Variants in NFU1 observed in about 807,000 individuals in gnomAD.
The protein encoded by NFU1 is NFU1 iron-sulfur cluster scaffold.
Under a neutral mutation model 32.2 loss-of-function variants are expected in NFU1, and 30 were observed. That is an observed-to-expected ratio of 0.93 (90% CI 0.70 to 1.26). NFU1 has a LOEUF of 1.26. Ranked by LOEUF, NFU1 falls within the 50% of genes most tolerant of loss-of-function variation. NFU1 has a pLI of 0.00. For missense variants in NFU1, 306 were observed against 306.6 expected (o/e 1.00, Z 0.02); for synonymous variants, 112 against 104.6 (o/e 1.07, Z -0.43).
intron 5 of NFU1, among the ~76,000 whole-genome samples, chr2:69,408,734 T>TA (rs1672781178): frequency 2.2e-5 from 3 of 136,426 alleles, no homozygotes; most frequent in East Asian, 2.1e-4. Flanking sequence ...ATATAAAATT[T>TA]TATATATATA....
At chr2:69,434,314 T>G (rs1372124182) in intron 1 of NFU1, among the ~76,000 whole-genome samples, 3 of 151,942 alleles carry the variant, frequency 2.0e-5, no homozygotes, top group African/African-American at 7.3e-5. Context: ...CGGCTAATTT[T>G]TGTATTTTTA....
intron 2 of NFU1, among the ~76,000 whole-genome samples, chr2:69,428,098 T>C (rs1386541049): frequency 2.6e-5 from 4 of 152,132 alleles, no homozygotes; most frequent in Non-Finnish European, 5.9e-5. Flanking sequence ...TATATTTAAA[T>C]AGACTGACAA....
chr2:69,421,824 A>C (rs527560719), intron 3 of NFU1, among the ~76,000 whole-genome samples: 4 of 151,822 alleles, frequency 2.6e-5, no homozygotes, highest in Non-Finnish European at 5.9e-5. Flanking sequence ...GGCCTCCCAA[A>C]GTGCTGGGAT....
At position 69,423,711 on chromosome 2, in the gene NFU1, T is replaced by C. The variant is rs2104793456; in HGVS notation, c.173A>G (p.Tyr58Cys). Residue 58 changes from tyrosine to cysteine, a missense_variant, in exon 3 of 8, where the codon TAC becomes TGC. Transcript: ENST00000410022. ...GGTATCTTGTGTTTGAATAAACATG[T>C]ATCTCACTAAAAAAGAAAAAGAAGA... Reference protein sequence around the residue: ...LPAAFYHPVRYMFIQTQDTPN... With the variant: ...LPAAFYHPVRCMFIQTQDTPN... 1.3e-6 allele frequency: 2 copies of C among 1,597,330 alleles called. No individual in the cohort carries two copies. Among genetic ancestry groups the C allele is most frequent in the East Asian group, 4.5e-5 (2 of 44,786 alleles).
chr2:69,425,518 C>T (rs904585766), intron 2 of NFU1, among the ~76,000 whole-genome samples: 3 of 151,712 alleles, frequency 2.0e-5, no homozygotes, highest in Non-Finnish European at 4.4e-5. Context: ...CCATGCCCGG[C>T]TAATTTTTGT....
Position 69,437,197 on chromosome 2 carries a change from C to T in NFU1, c.62+164G>A, listed in dbSNP as rs190706701. 6.3e-4 allele frequency: 901 copies of T among 1,420,366 alleles called. 5 individuals carry two copies. The African/African-American group carries it at 0.011, about 18-fold the overall frequency. 88.0% of individuals were successfully genotyped at this position (1,420,366 alleles called of 1,614,324 possible). A position where few individuals can be genotyped will look rare whatever the true frequency, so the allele number is the denominator to read the frequency against. ...GCCACAGAAGCGCCGAGCTCCCGCA[C>T]AGACAGCCTCAGGGCTCACCCCCAA... On this transcript the variant is annotated intron_variant, in intron 1 of 7. Transcript: ENST00000410022.
chr2:69,419,402 A>C (rs1305252395), intron 4 of NFU1, 136 bp downstream of exon 4: 2 of 618,204 alleles, frequency 3.2e-6, no homozygotes, highest in Admixed American at 6.3e-5. Context: ...AGAGGACAAG[A>C]GAGTAAGACC....
rs537426869 is a variant in NFU1, at chr2:69,431,446, CA to C, written c.166+455del. ...TCAGCCTCCCAAGCAGCTGGGACTA[CA>C]CGTGTGCGCCACCATGCCCAGCTAA... is the stretch of plus-strand genomic sequence containing the variant. On this transcript the variant is annotated intron_variant, in intron 2 of 7. Coordinates refer to ENST00000410022, the MANE Select transcript of NFU1 (RefSeq NM_001002755.4). 3.5e-3 allele frequency among the ~76,000 whole-genome samples: 530 copies of C among 152,280 alleles called. 3 individuals are homozygous for C. The highest frequency in any genetic ancestry group is 0.012 in the African/African-American group (512 of 41,558).
chr2:69,418,478 CTTTTT>C (rs1673132067), intron 4 of NFU1, among the ~76,000 whole-genome samples: 1 of 151,322 alleles, frequency 6.6e-6, no homozygotes, highest in Non-Finnish European at 1.5e-5. Flanking sequence ...CCCTTTTTTT[CTTTTT>C]TGAGATGCAG....
intron 7 of NFU1, 100 bp downstream of exon 7, chr2:69,400,264 C>T: frequency 2.7e-6 from 3 of 1,128,010 alleles, no homozygotes; most frequent in South Asian, 1.3e-5. Flanking sequence ...TCATGAACTT[C>T]TTTTCAAATA....
intron 1 of NFU1, 56 bp downstream of exon 1, chr2:69,437,305 C>T: frequency 6.4e-7 from 1 of 1,568,558 alleles, no homozygotes; most frequent in East Asian, 2.3e-5. Flanking sequence ...GCGGCGACCG[C>T]TCCGCTGGCT....
upstream of NFU1, among the ~76,000 whole-genome samples, chr2:69,437,860 G>A (rs1228032791): frequency 3.9e-5 from 6 of 152,232 alleles, no homozygotes; most frequent in South Asian, 1.0e-3. Context: ...AAAGGTTCTC[G>A]CATTTCTCCT....
chr2:69,397,658 A>AT (rs1488348350), intron 7 of NFU1, among the ~76,000 whole-genome samples: 3 of 152,052 alleles, frequency 2.0e-5, no homozygotes. Context: ...CATGCCTGTA[A>AT]TCCCAGCACT....
intron 4 of NFU1, among the ~76,000 whole-genome samples, chr2:69,418,918 G>A (rs370984408): frequency 5.3e-5 from 8 of 152,182 alleles, no homozygotes; most frequent in African/African-American, 1.7e-4. Flanking sequence ...AGATTTAAAA[G>A]GATACATAGT....
intron 7 of NFU1, among the ~76,000 whole-genome samples, chr2:69,397,176 T>C (rs1672366960): frequency 6.6e-6 from 1 of 152,138 alleles, no homozygotes; most frequent in Non-Finnish European, 1.5e-5. Context: ...ATATATTCTG[T>C]GAAGCTATAC....
intron 1 of NFU1, among the ~76,000 whole-genome samples, chr2:69,432,594 A>G (rs1673676576): frequency 1.3e-5 from 2 of 152,030 alleles, no homozygotes; most frequent in Non-Finnish European, 2.9e-5. Context: ...AAGAAACAGA[A>G]TTGTATCTAC....
At chr2:69,404,357 T>G (rs1386396728) in intron 6 of NFU1, among the ~76,000 whole-genome samples, 1 of 149,846 alleles carries the variant, frequency 6.7e-6, no homozygotes, top group Non-Finnish European at 1.5e-5. Context: ...CTGGGTGTGG[T>G]GGTACATGCC....
In NFU1 at chr2:69,400,344, G is replaced by A. The variant is rs1672480394; in HGVS notation, c.720+20C>T. ...AGAAAAAATGAAAAAAATCTAGACT[G>A]TCATATAATATTGGCATACCTGTTC... On this transcript the variant is annotated intron_variant, in intron 7 of 7. Transcript: ENST00000410022. The A allele has an allele frequency of 4.4e-6, 7 of 1,604,186 alleles. No homozygotes were observed. Among genetic ancestry groups the A allele is most frequent in the Non-Finnish European group, 6.0e-6 (7 of 1,171,072 alleles).
intron 4 of NFU1, among the ~76,000 whole-genome samples, chr2:69,415,596 A>G (rs1371423981): frequency 1.3e-5 from 2 of 152,186 alleles, no homozygotes; most frequent in Non-Finnish European, 2.9e-5. Context: ...CAGCACGTAA[A>G]ATGAGTAAAC....
Sources: allele counts gnomAD v4.1 joint callset (sites outside exome capture counted in the v4.1 genomes callset), GRCh38; gene constraint gnomAD v4.1.1; transcripts MANE v1.5; gene names NCBI Gene and HGNC (gene_info 2026-07-23, HGNC 2026-07-21).